Variants in MROH1 observed in about 807,000 individuals in gnomAD.
The protein encoded by MROH1 is maestro heat-like repeat-containing protein family member 1.
A neutral mutation model predicts 116.5 loss-of-function variants in MROH1; 117 were observed. The ratio of observed to expected loss-of-function variants is 1.00; its 90% confidence interval spans 0.86 to 1.17. The LOEUF is 1.17. Ranked by LOEUF, MROH1 falls within the 50% of genes most tolerant of loss-of-function variation. The pLI is 0.00. For missense variants in MROH1, 1,873 were observed against 1,338.5 expected (o/e 1.40, Z -6.23); for synonymous variants, 921 against 583.9 (o/e 1.58, Z -8.32).
intron 3 of MROH1, among the ~76,000 whole-genome samples, chr8:144,165,652 G>A (rs1450852081): frequency 6.6e-6 from 1 of 151,580 alleles, no homozygotes. Context: ...TCAGCTCATT[G>A]CAACCTCTGC....
chr8:144,169,211 A>G (rs1361970917), intron 4 of MROH1, among the ~76,000 whole-genome samples: 1 of 152,214 alleles, frequency 6.6e-6, no homozygotes, highest in African/African-American at 2.4e-5. Context: ...CTTTTGCAGT[A>G]TCAAAAGGCC....
At position 144,247,396 on chromosome 8, in the gene MROH1, C is replaced by T; in HGVS notation, c.2967C>T (p.Asp989=). The T allele has an allele frequency of 1.3e-6, 1 of 771,466 alleles. No homozygotes were observed. The highest frequency in any genetic ancestry group is 1.4e-5 in the South Asian group (1 of 72,520). 47.8% of individuals were successfully genotyped at this position (771,466 alleles called of 1,614,324 possible). A position where few individuals can be genotyped will look rare whatever the true frequency, so the allele number is the denominator to read the frequency against. ...LWPATRQEAV[D]CVYSLLYLQL... ...CTGCCACCCGCCAGGAGGCCGTGGA[C>T]TGTGTCTACTCCCTGCTGTACCTCC... Residue 989 remains aspartate, a synonymous_variant, in exon 30 of 44, where the codon GAC becomes GAT. Coordinates refer to ENST00000326134, the MANE Select transcript of MROH1 (RefSeq NM_032450.3).
Position 144,260,388 on chromosome 8 carries a change from G to C in MROH1, c.4380+14G>C. 1.4e-6 allele frequency: 1 copy of C among 709,650 alleles called. No individual in the cohort carries two copies. Among genetic ancestry groups the C allele is most frequent in the South Asian group, 1.5e-5 (1 of 68,128 alleles). 44.0% of individuals were successfully genotyped at this position (709,650 alleles called of 1,614,324 possible). ...TTCTTCGACAGTGTAGGCTGGTTGG[G>C]GCAGGGGGAGGGAAGAGGGCCCCAG... On this transcript the variant is annotated intron_variant, in intron 39 of 43. Transcript: ENST00000326134.
chr8:144,169,161 C>CTG (rs896570561), intron 4 of MROH1, among the ~76,000 whole-genome samples: 1 of 152,188 alleles, frequency 6.6e-6, no homozygotes, highest in Non-Finnish European at 1.5e-5. Flanking sequence ...TAGTTTTTCT[C>CTG]TGTGTGTGTG....
intron 14 of MROH1, among the ~76,000 whole-genome samples, chr8:144,235,323 T>C (rs1205951141): frequency 1.3e-5 from 2 of 152,176 alleles, no homozygotes; most frequent in Non-Finnish European, 2.9e-5. Flanking sequence ...GTTTTACTTC[T>C]TTTTTTTCAG....
chr8:144,175,865 A>G (rs1292382715), intron 4 of MROH1, among the ~76,000 whole-genome samples: 3 of 152,152 alleles, frequency 2.0e-5, no homozygotes, highest in Non-Finnish European at 2.9e-5. Flanking sequence ...CCTGGCCAAC[A>G]TGGTGAAACC....
intron 12 of MROH1, among the ~76,000 whole-genome samples, chr8:144,220,325 C>G (rs980763497): frequency 2.6e-5 from 4 of 152,202 alleles, no homozygotes; most frequent in Non-Finnish European, 4.4e-5. Flanking sequence ...AAGGAACTTC[C>G]CCGGCGTTGG....
At chr8:144,157,119 C>T (rs1315235560) in intron 1 of MROH1, among the ~76,000 whole-genome samples, 2 of 152,136 alleles carry the variant, frequency 1.3e-5, no homozygotes, top group Non-Finnish European at 2.9e-5. Flanking sequence ...CCACGTCCAG[C>T]TAATTTTTTT....
chr8:144,180,473 CCGTGCTGGG>C lies in MROH1; in HGVS notation c.517_525del (p.Leu173_Val175del), dbSNP rs1825314614. 2 of 1,612,526 alleles carry C rather than the reference CCGTGCTGGG, an allele frequency of 1.2e-6. No homozygotes were observed. Among genetic ancestry groups the C allele is most frequent in the African/African-American group, 1.3e-5 (1 of 74,930 alleles). Reference sequence around the variant, plus strand: ...CCATCCGTCCTGAGCTCCCTGCTGCCCGTGCTGGGCGTGGCCAAGCAGGACACGGTGCGC... The same window carrying C: ...CCATCCGTCCTGAGCTCCCTGCTGCCCGTGGCCAAGCAGGACACGGTGCGC... On this transcript the variant is annotated inframe_deletion, in exon 7 of 44. Transcript: ENST00000326134. This position sits in a 1 kb window ranked among gnomAD's most constrained non-coding sequence, Gnocchi z 7.4.
chr8:144,229,380 ATTTTTT>A (rs60877043), intron 14 of MROH1, among the ~76,000 whole-genome samples: 1 of 108,904 alleles, frequency 9.2e-6, no homozygotes, highest in Non-Finnish European at 2.0e-5. Context: ...TACCTTATGA[ATTTTTT>A]TTTTTTTTTT....
At chr8:144,173,426 TTA>T (rs61239082) in intron 4 of MROH1, among the ~76,000 whole-genome samples, 142,978 of 147,730 alleles carry the variant, frequency 0.97, 69,324 homozygotes, top group South Asian at 1. Context: ...TATTTTTATT[TTA>T]TTTTTTTTTT....
intron 1 of MROH1, among the ~76,000 whole-genome samples, chr8:144,152,356 G>A (rs1816998569): frequency 6.6e-6 from 1 of 151,364 alleles, no homozygotes; most frequent in African/African-American, 2.4e-5. Context: ...ATTATGATTG[G>A]TTTATCATAA....
rs145778629 is a variant in MROH1, at chr8:144,169,164, T to C, written c.168+724T>C. ...ATGCACGCTTTCTAGTTTTTCTCTG[T>C]GTGTGTGGTTTGGGCTGTTCTGGGA... On this transcript the variant is annotated intron_variant, in intron 4 of 43. Transcript: ENST00000326134. Among the ~76,000 whole-genome samples the C allele has an allele frequency of 2.2e-4, 34 of 152,338 alleles. No individual in the cohort carries two copies. In the East Asian group the frequency reaches 6.2e-3, roughly 28 times the overall value.
rs1334611113 is a variant in MROH1, at chr8:144,248,988, A to C, written c.3232A>C (p.Asn1078His). The C allele has an allele frequency of 1.4e-6, 1 of 730,194 alleles. No individual in the cohort carries two copies. Among genetic ancestry groups the C allele is most frequent in the Non-Finnish European group, 2.6e-6 (1 of 391,732 alleles). 45.2% of individuals were successfully genotyped at this position (730,194 alleles called of 1,614,324 possible). ...NCSRAATVMI[N>H]CLLQERGGVL... ...CTCCCGAGCAGCTACCGTCATGATC[A>C]ACTGCCTGCTGCAGGAGCGGGGCGG... Residue 1078 changes from asparagine (N) to histidine (H), a missense_variant, in exon 32 of 44, where the codon AAC (asparagine) becomes CAC (histidine). Coordinates refer to ENST00000326134, the MANE Select transcript of MROH1 (RefSeq NM_032450.3).
Position 144,221,868 on chromosome 8 carries a change from A to C in MROH1, c.1215+1195A>C, listed in dbSNP as rs147510008. On this transcript the variant is annotated intron_variant, in intron 13 of 43. Coordinates refer to ENST00000326134, the MANE Select transcript of MROH1 (RefSeq NM_032450.3). ...GTGGGGATGCTGGACGTGAGAGCTG[A>C]AGGGGCAGAGGCGTGGTCACGATGC... Among the ~76,000 whole-genome samples the C allele has an allele frequency of 3.9e-5, 6 of 152,176 alleles. No individual in the cohort carries two copies. The East Asian group carries it at 1.2e-3, about 30-fold the overall frequency.
At chr8:144,152,557 T>TATTATTA in intron 1 of MROH1, among the ~76,000 whole-genome samples, 3 of 146,834 alleles carry the variant, frequency 2.0e-5, no homozygotes, top group African/African-American at 7.9e-5. Context: ...TTATTATTAT[T>TATTATTA]TTTTTTTTTG....
At chr8:144,223,338 G>T in intron 14 of MROH1, 108 bp downstream of exon 14, 6 of 1,403,780 alleles carry the variant, frequency 4.3e-6, no homozygotes, top group Admixed American at 2.2e-5. Context: ...TATGTGGGCT[G>T]CAGTCTGCGT....
intron 1 of MROH1, chr8:144,148,578 C>A (rs1446473448): frequency 2.0e-5 from 3 of 152,692 alleles, no homozygotes; most frequent in African/African-American, 7.2e-5. Context: ...TGCCCCGGGC[C>A]TCCGTATGCC....
chr8:144,168,554 G>A, intron 4 of MROH1, 114 bp downstream of exon 4: 1 of 1,277,986 alleles, frequency 7.8e-7, no homozygotes, highest in Non-Finnish European at 1.1e-6. Flanking sequence ...TTACGCAGGG[G>A]TGGCCACATG....
Sources: allele counts gnomAD v4.1 joint callset (sites outside exome capture counted in the v4.1 genomes callset), GRCh38; gene constraint gnomAD v4.1.1; non-coding constraint Gnocchi (gnomAD v3.1); transcripts MANE v1.5; gene names NCBI Gene and HGNC (gene_info 2026-07-23, HGNC 2026-07-21).